The following DNAH17 variants were observed in gnomAD, a reference collection of about 807,000 sequenced individuals.
DNAH17 encodes the protein axonemal beta dynein heavy chain 17.
Under a neutral mutation model 485.6 loss-of-function variants are expected in DNAH17, and 376 were observed. The ratio of observed to expected loss-of-function variants is 0.77; its 90% CI spans 0.71 to 0.84. DNAH17 has a LOEUF of 0.84. DNAH17 is among the 40% of genes least tolerant of loss of function. DNAH17 has a pLI of 0.00. For synonymous variants in DNAH17, 3,031 were observed against 2,405.9 expected (o/e 1.26, Z -7.60); for missense variants, 6,370 against 5,839.3 (o/e 1.09, Z -2.96).
intron 16 of DNAH17, among the ~76,000 whole-genome samples, chr17:78,544,327 G>A (rs1222120967): frequency 2.0e-5 from 3 of 152,232 alleles, no homozygotes; most frequent in Non-Finnish European, 4.4e-5. Flanking sequence ...GGGGACGGAA[G>A]GACCCGAGCG....
chr17:78,499,340 C>T (rs1204284876), intron 36 of DNAH17: 3 of 383,078 alleles, frequency 7.8e-6, no homozygotes, highest in African/African-American at 4.2e-5. Flanking sequence ...CCTTGCCTCC[C>T]AGACCCCAGG....
Position 78,455,637 on chromosome 17 carries a change from T to C in DNAH17, c.10170+7A>G, listed in dbSNP as rs571227986. 2 of 1,539,096 alleles carry C rather than the reference T, an allele frequency of 1.3e-6. No individual in the cohort carries two copies. Among genetic ancestry groups the C allele is most frequent in the African/African-American group, 2.8e-5 (2 of 72,592 alleles). The stretch of plus-strand genomic sequence containing the variant: ...CCACCGCGCCTGGCCAGGACTCCAC[T>C]CCTTACCTTTAAGTTATGTATGTAA... On this transcript the variant is annotated splice_region_variant and intron_variant, in intron 63 of 80. Coordinates refer to ENST00000389840, the MANE Select transcript of DNAH17 (RefSeq NM_173628.4).
rs983162829 is a variant in DNAH17, at chr17:78,530,473, A to G, written c.3154T>C (p.Cys1052Arg). The G allele has an allele frequency of 2.5e-6, 4 of 1,612,992 alleles. No individual in the cohort carries two copies. The African/African-American group carries it at 4.0e-5, about 16-fold the overall frequency. Residue 1052 changes from cysteine to arginine, a missense_variant, in exon 21 of 81, where the codon TGC (cysteine) becomes CGC (arginine). Coordinates refer to ENST00000389840, the MANE Select transcript of DNAH17 (RefSeq NM_173628.4). ...CCGTGGAACACCTTGGTGTTCTCGC[A>G]CTTGGACACCTCCTCATACAGCTTC... Reference protein sequence around the residue: ...YEKLYEEVSKCENTKVFHGWL... With the variant: ...YEKLYEEVSKRENTKVFHGWL...
At chr17:78,505,272 G>A (rs768570731) in intron 31 of DNAH17, 21 bp downstream of exon 31, 4 of 1,613,536 alleles carry the variant, frequency 2.5e-6, no homozygotes, top group Non-Finnish European at 3.4e-6. Context: ...GGTTCCCTGT[G>A]TGGTGTGCGC....
chr17:78,428,794 G>A lies in DNAH17; in HGVS notation c.12406-87C>T, dbSNP rs935175921. 3.5e-5 allele frequency: 52 copies of A among 1,474,484 alleles called. 2 individuals are homozygous for A. In the Middle Eastern group the frequency reaches 1.3e-3, roughly 36 times the overall value. 91.3% of individuals were successfully genotyped at this position (1,474,484 alleles called of 1,614,324 possible). On this transcript the variant is annotated intron_variant, in intron 76 of 80. Transcript: ENST00000389840. ...TTGGTTAAGCATTCCTTGCCAGAAC[G>A]TTCACCCACACCTTGCTGTCTGTAC...
intron 12 of DNAH17, among the ~76,000 whole-genome samples, chr17:78,561,391 G>A (rs2092150749): frequency 6.6e-6 from 1 of 152,050 alleles, no homozygotes; most frequent in Admixed American, 6.6e-5. Context: ...GCCCCTGGCT[G>A]TCCAGGAGAC....
intron 79 of DNAH17, among the ~76,000 whole-genome samples, chr17:78,426,249 C>G (rs934281757): frequency 6.6e-6 from 1 of 152,208 alleles, no homozygotes; most frequent in Non-Finnish European, 1.5e-5. Context: ...TGCGGCCTGG[C>G]TTGTTTTCCT....
chr17:78,490,691 C>G lies in DNAH17; in HGVS notation c.6818+8G>C, dbSNP rs528892555. The G allele has an allele frequency of 3.1e-6, 5 of 1,603,098 alleles. No homozygotes were observed. The East Asian group carries it at 1.1e-4, about 36-fold the overall frequency. On this transcript the variant is annotated splice_region_variant and intron_variant, in intron 44 of 80. Transcript: ENST00000389840. ...GGTTTGGAACAGGAAAGCCAAAGCC[C>G]CACTCACGGGTTCCATCCCAGGTCG... is the stretch of plus-strand genomic sequence containing the variant.
At chr17:78,490,145 C>T (rs1032747976) in intron 44 of DNAH17, 2 of 152,882 alleles carry the variant, frequency 1.3e-5, no homozygotes, top group African/African-American at 4.8e-5. Flanking sequence ...AGGCCCCCAT[C>T]TTGCTGGCAT....
intron 22 of DNAH17, among the ~76,000 whole-genome samples, chr17:78,527,419 G>T (rs973127321): frequency 6.6e-6 from 1 of 152,078 alleles, no homozygotes; most frequent in Non-Finnish European, 1.5e-5. Flanking sequence ...CCTCCTTAAT[G>T]GCGAACTAGG....
intron 52 of DNAH17, 163 bp from the exon 53 acceptor site, chr17:78,475,996 C>A (rs2088999285): frequency 1.4e-6 from 1 of 712,254 alleles, no homozygotes; most frequent in Non-Finnish European, 2.3e-6. Context: ...GCCCAGCAAA[C>A]CACTGGGGCA....
At chr17:78,447,035 C>T (rs1465965205) in intron 69 of DNAH17, among the ~76,000 whole-genome samples, 1 of 151,918 alleles carries the variant, frequency 6.6e-6, no homozygotes, top group Non-Finnish European at 1.5e-5. Flanking sequence ...AACTCTTGGG[C>T]TCAAGTGACC....
chr17:78,537,556 C>T (rs1267180509), intron 18 of DNAH17, 75 bp from the exon 19 acceptor site: 2 of 1,481,928 alleles, frequency 1.3e-6, no homozygotes, highest in South Asian at 1.2e-5. Flanking sequence ...CCTGATCATC[C>T]ACTCCGTACC....
chr17:78,570,869 A>AAAG (rs2092343761), intron 6 of DNAH17, 79 bp downstream of exon 6: 3 of 766,894 alleles, frequency 3.9e-6, no homozygotes, highest in Non-Finnish European at 5.7e-6. Context: ...AAAAAAAAAA[A>AAAG]AAAAAAAAAG....
rs375617434 is a variant in DNAH17 at position 78,495,965 on chromosome 17, C to T, written c.5813G>A (p.Gly1938Asp). ...KAFNFLGEII[G>D]LIPTVGIFIT... is the part of the protein sequence containing the mutation. Reference sequence around the variant, plus strand: ...GAAGATACCGACGGTGGGAATGAGGCCTATGATCTCTCCCAGGAAATTGAA... The same window carrying T: ...GAAGATACCGACGGTGGGAATGAGGTCTATGATCTCTCCCAGGAAATTGAA... Residue 1938 changes from glycine (G) to aspartate (D), a missense_variant, in exon 38 of 81, where the codon GGC (glycine) becomes GAC (aspartate). Physicochemically the swap from Gly to Asp is moderately conservative, Grantham distance 94 (BLOSUM62 -1). Coordinates refer to ENST00000389840, the MANE Select transcript of DNAH17 (RefSeq NM_173628.4). The T allele has an allele frequency of 3.3e-5, 53 of 1,613,830 alleles. No individual in the cohort carries two copies. Among genetic ancestry groups the T allele is most frequent in the Non-Finnish European group, 3.9e-5 (46 of 1,179,872 alleles).
intron 71 of DNAH17, 81 bp downstream of exon 71, chr17:78,444,523 G>A (rs2087198659): frequency 7.4e-7 from 1 of 1,351,460 alleles, no homozygotes; most frequent in Non-Finnish European, 9.8e-7. Context: ...AGTCCACAGA[G>A]AGTCTAGCAC....
Position 78,444,782 on chromosome 17 carries a change from C to T in DNAH17, c.11350G>A (p.Asp3784Asn). Residue 3784 changes from aspartate to asparagine, a missense_variant, in exon 71 of 81, where the codon GAT becomes AAT. Physicochemically the swap from Asp to Asn is conservative, Grantham distance 23. Transcript: ENST00000389840. ...TCACTGTCCAGATTTTTGAACTCAT[C>T]CATCTCCGAGAGGGCCTAGGGGCAG... ...WGGIKALSEMDEFKNLDSDIE... is the reference protein window; with the variant it reads ...WGGIKALSEMNEFKNLDSDIE... 1 of 1,576,438 alleles carries T rather than the reference C, an allele frequency of 6.3e-7. No homozygotes were observed. The highest frequency in any genetic ancestry group is 8.6e-7 in the Non-Finnish European group (1 of 1,164,114).
chr17:78,443,787 T>A (rs533934465), intron 71 of DNAH17, among the ~76,000 whole-genome samples: 1 of 152,172 alleles, frequency 6.6e-6, no homozygotes, highest in Non-Finnish European at 1.5e-5. Flanking sequence ...TGGGCTCAAG[T>A]GATCCTCCCC....
chr17:78,526,786 C>A, intron 23 of DNAH17, 49 bp from the exon 24 acceptor site: 2 of 1,564,954 alleles, frequency 1.3e-6, no homozygotes, highest in Non-Finnish European at 8.7e-7. Flanking sequence ...CGGCCACCTG[C>A]CCCAAGGGTG....
Sources: allele counts gnomAD v4.1 joint callset (sites outside exome capture counted in the v4.1 genomes callset), GRCh38; gene constraint gnomAD v4.1.1; transcripts MANE v1.5; gene names NCBI Gene and HGNC (gene_info 2026-07-23, HGNC 2026-07-21).